Variants in ABLIM2 observed in about 807,000 individuals in gnomAD.
ABLIM2 encodes actin-binding LIM protein 2.
ABLIM2 carries 53 observed loss-of-function variants against 97.7 expected under a neutral mutation model. The observed-to-expected ratio is 0.54, with a 90% confidence interval of 0.44 to 0.68. The LOEUF (loss-of-function observed/expected upper bound fraction) is 0.68, where lower values mean the gene tolerates loss of function less well. Ranked by LOEUF, ABLIM2 falls within the 30% of genes least tolerant of loss-of-function variation. The pLI, the probability that ABLIM2 is intolerant of heterozygous loss-of-function variation, is 0.00. For missense variants in ABLIM2, 835 were observed against 867.2 expected (o/e 0.96, Z 0.47); for synonymous variants, 361 against 345.8 (o/e 1.04, Z -0.49).
chr4:8,042,051 G>C (rs1789022644), intron 9 of ABLIM2, among the ~76,000 whole-genome samples: 1 of 152,220 alleles, frequency 6.6e-6, no homozygotes, highest in African/African-American at 2.4e-5. Context: ...CAAGTGCTTT[G>C]CAAATGTTGG....
chr4:7,984,296 G>A (rs558765083), intron 18 of ABLIM2, among the ~76,000 whole-genome samples: 56 of 152,224 alleles, frequency 3.7e-4, no homozygotes, highest in Non-Finnish European at 7.4e-4. Context: ...GATGCTCTCC[G>A]TCCCCATGCA....
intron 1 of ABLIM2, among the ~76,000 whole-genome samples, chr4:8,151,471 T>A (rs1350859633): frequency 1.3e-5 from 2 of 152,022 alleles, no homozygotes; most frequent in African/African-American, 2.4e-5. Context: ...AAGCTGCTAA[T>A]CCACAGGCGG....
intron 7 of ABLIM2, among the ~76,000 whole-genome samples, chr4:8,060,612 G>A (rs1051119510): frequency 6.6e-6 from 1 of 152,196 alleles, no homozygotes; most frequent in Non-Finnish European, 1.5e-5. Context: ...CCTGAGCTGG[G>A]GCGGCTTTCT....
At chr4:8,090,840 T>C in intron 3 of ABLIM2, among the ~76,000 whole-genome samples, 1 of 152,088 alleles carries the variant, frequency 6.6e-6, no homozygotes, top group Middle Eastern at 3.2e-3. Context: ...CGGAGCAGTG[T>C]CCATCCCATG....
intron 20 of ABLIM2, among the ~76,000 whole-genome samples, chr4:7,975,132 C>T (rs1344407495): frequency 6.6e-6 from 1 of 152,182 alleles, no homozygotes; most frequent in African/African-American, 2.4e-5. Context: ...GTGAGAGGAT[C>T]ACTTAAGCTC....
Position 7,986,363 on chromosome 4 carries a change from G to A in ABLIM2, c.1681-1470C>T, listed in dbSNP as rs1234319586. ...TCTGAAACAGGAAAACCGAGGCCCC[G>A]AGGGAAGCTGGACCTTCTTCCTGAT... On this transcript the variant is annotated intron_variant, in intron 17 of 20. Transcript: ENST00000447017. This position sits in a 1 kb window ranked among gnomAD's most constrained non-coding sequence, Gnocchi z 4.3. Among the ~76,000 whole-genome samples, 1 of 152,162 alleles carries A rather than the reference G, an allele frequency of 6.6e-6. No individual in the cohort carries two copies. Among genetic ancestry groups the A allele is most frequent in the African/African-American group, 2.4e-5 (1 of 41,420 alleles).
rs141434178 is a variant in ABLIM2, at chr4:8,114,474, C to T, written c.11-7837G>A. On this transcript the variant is annotated intron_variant, in intron 1 of 20. Coordinates refer to ENST00000447017, the MANE Select transcript of ABLIM2 (RefSeq NM_001130083.2). ...TCCCTCAGGTTCTCACTTTATAGGT[C>T]ATGCCTCGGTTTAAGAGCAGGTCCA... Among the ~76,000 whole-genome samples, 58 of 152,308 alleles carry T rather than the reference C, an allele frequency of 3.8e-4. No individual in the cohort carries two copies. In the East Asian group the frequency reaches 9.8e-3, roughly 26 times the overall value.
In ABLIM2 at chr4:8,085,657, C is replaced by T. The variant is rs375174363; in HGVS notation, c.454+2512G>A. ...ACTCACGCAGGTCTGGGGGTGCCCACGCTGCAGCCCCGTCCACTCACGTGG... is the reference window on the plus strand; with the variant it reads ...ACTCACGCAGGTCTGGGGGTGCCCATGCTGCAGCCCCGTCCACTCACGTGG... On this transcript the variant is annotated intron_variant, in intron 4 of 20. Coordinates refer to ENST00000447017, the MANE Select transcript of ABLIM2 (RefSeq NM_001130083.2). This position sits in a 1 kb window ranked among gnomAD's most constrained non-coding sequence, Gnocchi z 6.1. Among the ~76,000 whole-genome samples, 49 of 150,524 alleles carry T rather than the reference C, an allele frequency of 3.3e-4. No individual in the cohort carries two copies. In the South Asian group the frequency reaches 5.9e-3, roughly 18 times the overall value.
At chr4:8,109,622 G>A (rs1273532851) in intron 1 of ABLIM2, among the ~76,000 whole-genome samples, 4 of 152,184 alleles carry the variant, frequency 2.6e-5, no homozygotes, top group Non-Finnish European at 4.4e-5. Flanking sequence ...ACAGGACAGC[G>A]CAAAGGAGGA....
chr4:8,158,811 C>G lies in ABLIM2; in HGVS notation c.-122G>C. 1 of 876,658 alleles carries G rather than the reference C, an allele frequency of 1.1e-6. No homozygotes were observed. The highest frequency in any genetic ancestry group is 1.5e-6 in the Non-Finnish European group (1 of 688,668). 54.3% of individuals were successfully genotyped at this position (876,658 alleles called of 1,614,324 possible). A position where few individuals can be genotyped will look rare whatever the true frequency, so the allele number is the denominator to read the frequency against. On this transcript the variant is annotated 5_prime_UTR_variant, in exon 1 of 21. Transcript: ENST00000447017. ...CGGCTCCGCGCCCGCTCCTTGCGCA[C>G]ACGCCAGGCAGCGCCGCCGCAGCCC...
Position 8,000,082 on chromosome 4 carries a change from G to A in ABLIM2, c.1619-7155C>T, listed in dbSNP as rs535004711. Among the ~76,000 whole-genome samples, 3 of 152,248 alleles carry A rather than the reference G, an allele frequency of 2.0e-5. No individual in the cohort carries two copies. The East Asian group carries it at 5.8e-4, about 29-fold the overall frequency. On this transcript the variant is annotated intron_variant, in intron 16 of 20. Coordinates refer to ENST00000447017, the MANE Select transcript of ABLIM2 (RefSeq NM_001130083.2). ...CCGCTCCTGGGTGCACGGGCAGGAG[G>A]CTTGGAGGCTGTGGCACTGCACGGG...
rs2149962827 is a variant in ABLIM2 at position 7,992,986 on chromosome 4, G to T, written c.1619-59C>A. Reference sequence around the variant, plus strand: ...GCAGACTCGGTGCAGCAATGGGGGTGCAGCCCTGGGGGGGCTTCCCACCGG... The same window carrying T: ...GCAGACTCGGTGCAGCAATGGGGGTTCAGCCCTGGGGGGGCTTCCCACCGG... On this transcript the variant is annotated intron_variant, in intron 16 of 20. Coordinates refer to ENST00000447017, the MANE Select transcript of ABLIM2 (RefSeq NM_001130083.2). The surrounding 1 kb of genome is among the most constrained non-coding windows in gnomAD (Gnocchi z 5.7). 6.3e-7 allele frequency: 1 copy of T among 1,574,860 alleles called. No homozygotes were observed. Among genetic ancestry groups the T allele is most frequent in the East Asian group, 2.3e-5 (1 of 44,296 alleles).
In ABLIM2 at chr4:8,105,659, C is replaced by T. The variant is rs191016506; in HGVS notation, c.154+835G>A. 5.3e-5 allele frequency among the ~76,000 whole-genome samples: 8 copies of T among 152,336 alleles called. No homozygotes were observed. The South Asian group carries it at 6.2e-4, about 12-fold the overall frequency. On this transcript the variant is annotated intron_variant, in intron 2 of 20. Transcript: ENST00000447017. The stretch of plus-strand genomic sequence containing the variant: ...CAAATGGCCCAGGGGGCCGTCATAC[C>T]GAACCCGCAGAAGGCAGGCAGGCAC...
At position 8,140,541 on chromosome 4, in the gene ABLIM2, C is replaced by T. The variant is rs529554839; in HGVS notation, c.10+18139G>A. Reference sequence around the variant, plus strand: ...GCCTTGCCTGCATGTGGGAGCCACACGTGGCCTCTCTTTAACCGGCTTCAA... The same window carrying T: ...GCCTTGCCTGCATGTGGGAGCCACATGTGGCCTCTCTTTAACCGGCTTCAA... On this transcript the variant is annotated intron_variant, in intron 1 of 20. Coordinates refer to ENST00000447017, the MANE Select transcript of ABLIM2 (RefSeq NM_001130083.2). This position sits in a 1 kb window ranked among gnomAD's most constrained non-coding sequence, Gnocchi z 5.9. Among the ~76,000 whole-genome samples the T allele has an allele frequency of 6.4e-4, 97 of 152,280 alleles. No homozygotes were observed. Among genetic ancestry groups the T allele is most frequent in the Middle Eastern group, 3.4e-3 (1 of 294 alleles).
In ABLIM2 at chr4:8,083,412, C is replaced by T. The variant is rs983835695; in HGVS notation, c.455-2610G>A. Among the ~76,000 whole-genome samples the T allele has an allele frequency of 6.6e-6, 1 of 152,182 alleles. No homozygotes were observed. Among genetic ancestry groups the T allele is most frequent in the Non-Finnish European group, 1.5e-5 (1 of 68,018 alleles). On this transcript the variant is annotated intron_variant, in intron 4 of 20. Coordinates refer to ENST00000447017, the MANE Select transcript of ABLIM2 (RefSeq NM_001130083.2). The surrounding 1 kb of genome is among the most constrained non-coding windows in gnomAD (Gnocchi z 4.6). ...TGCCAGGTGGTCCCCTCACGGGTGG[C>T]CTGCTCCCTCTGTGATGCCTTTATG... is the stretch of plus-strand genomic sequence containing the variant.
chr4:8,091,645 A>G (rs1239854036), intron 3 of ABLIM2, among the ~76,000 whole-genome samples: 1 of 65,388 alleles, frequency 1.5e-5, no homozygotes, highest in Non-Finnish European at 2.5e-5. Flanking sequence ...ATATAATTTT[A>G]TATATTATAT....
At chr4:7,993,466 T>C (rs1261716702) in intron 16 of ABLIM2, among the ~76,000 whole-genome samples, 4 of 152,160 alleles carry the variant, frequency 2.6e-5, no homozygotes, top group Admixed American at 6.5e-5. Context: ...GGAAAATCAC[T>C]TGAGGCCAGG....
chr4:8,143,500 G>A (rs1488034229), intron 1 of ABLIM2, among the ~76,000 whole-genome samples: 1 of 152,072 alleles, frequency 6.6e-6, no homozygotes, highest in Non-Finnish European at 1.5e-5. Flanking sequence ...TCCCATCTCG[G>A]GGGCTCTGCA....
At chr4:8,111,208 C>T (rs1435029167) in intron 1 of ABLIM2, among the ~76,000 whole-genome samples, 1 of 152,208 alleles carries the variant, frequency 6.6e-6, no homozygotes, top group East Asian at 1.9e-4. Flanking sequence ...ATGGAGGGAC[C>T]CTCAATGAAT....
Sources: allele counts gnomAD v4.1 joint callset (sites outside exome capture counted in the v4.1 genomes callset), GRCh38; gene constraint gnomAD v4.1.1; non-coding constraint Gnocchi (gnomAD v3.1); transcripts MANE v1.5; gene names NCBI Gene and HGNC (gene_info 2026-07-23, HGNC 2026-07-21).